Variants in CPED1 observed in about 807,000 individuals in gnomAD.
CPED1 encodes the protein cadherin-like and PC-esterase domain-containing protein 1.
CPED1 carries 114 observed loss-of-function variants against 128.2 expected under a neutral mutation model. The ratio of observed to expected loss-of-function variants is 0.89; its 90% CI spans 0.76 to 1.04. The LOEUF (loss-of-function observed/expected upper bound fraction) is 1.04, where lower values mean the gene tolerates loss of function less well. Among genes scored for constraint, CPED1 ranks in the 50% least tolerant of loss-of-function variants. The probability of loss-of-function intolerance (pLI) is 0.00; values close to 1 mark genes in which losing one functional copy is unlikely to be tolerated. For synonymous variants in CPED1, 462 were observed against 426.7 expected (o/e 1.08, Z -1.02); for missense variants, 1,211 against 1,207.1 (o/e 1.00, Z -0.05).
chr7:121,087,665 C>CGTTTT (rs1554432570), intron 5 of CPED1, among the ~76,000 whole-genome samples: 1 of 131,572 alleles, frequency 7.6e-6, no homozygotes, highest in Non-Finnish European at 1.6e-5. Flanking sequence ...CTTTTCTTTC[C>CGTTTT]TGTTTTTTTT....
At chr7:121,238,649 G>A (rs1798316170) in intron 17 of CPED1, among the ~76,000 whole-genome samples, 2 of 151,838 alleles carry the variant, frequency 1.3e-5, no homozygotes, top group South Asian at 4.2e-4. Context: ...GCCATTCATA[G>A]GGTGAAGCCA....
intron 16 of CPED1, among the ~76,000 whole-genome samples, chr7:121,214,245 A>G (rs974857007): frequency 1.3e-5 from 2 of 152,024 alleles, no homozygotes; most frequent in Non-Finnish European, 2.9e-5. Flanking sequence ...TCATTAATAA[A>G]TATCATAGGA....
At chr7:121,203,709 G>T (rs1797454889) in intron 16 of CPED1, among the ~76,000 whole-genome samples, 1 of 152,114 alleles carries the variant, frequency 6.6e-6, no homozygotes, top group African/African-American at 2.4e-5. Flanking sequence ...CACTGAAATT[G>T]TTAACAAGTG....
rs755315405 is a variant in CPED1, at chr7:121,015,690, T to C, written c.275T>C (p.Phe92Ser). ...GTCAAAGAATCAATGGAGACACACT[T>C]TGGCAGCCATGGCCGAAGGGCCATA... ...RKVKESMETHFGSHGRRAILY... is the reference protein window; with the variant it reads ...RKVKESMETHSGSHGRRAILY... The change falls in exon 3 of 23, where the codon TTT becomes TCT. Residue 92 changes from phenylalanine to serine, a missense_variant. Phe to Ser is a radical substitution (Grantham distance 155, BLOSUM62 -2). Coordinates refer to ENST00000310396, the MANE Select transcript of CPED1 (RefSeq NM_024913.5). The C allele has an allele frequency of 6.2e-7, 1 of 1,601,530 alleles. No homozygotes were observed. The highest frequency in any genetic ancestry group is 8.5e-7 in the Non-Finnish European group (1 of 1,176,242).
Position 121,266,258 on chromosome 7 carries a change from G to C in CPED1, c.2342G>C (p.Gly781Ala), listed in dbSNP as rs1394275929. Residue 781 changes from glycine to alanine, a missense_variant, in exon 19 of 23, where the codon GGG becomes GCG. Transcript: ENST00000310396. ...TTCATTGGAGATTCAACCAACAGAG[G>C]GATCATGTACTATCTTATTGAAAGG... ...ILFIGDSTNR[G>A]IMYYLIERLN... 5 of 1,612,632 alleles carry C rather than the reference G, an allele frequency of 3.1e-6. No individual in the cohort carries two copies. Among genetic ancestry groups the C allele is most frequent in the Non-Finnish European group, 4.2e-6 (5 of 1,179,154 alleles).
chr7:121,128,879 G>A (rs1360094513), intron 11 of CPED1, among the ~76,000 whole-genome samples: 1 of 151,674 alleles, frequency 6.6e-6, no homozygotes, highest in Non-Finnish European at 1.5e-5. Context: ...TTTTGTTTTT[G>A]TAAAATCATA....
intron 4 of CPED1, among the ~76,000 whole-genome samples, chr7:121,058,604 C>T (rs1398065881): frequency 2.6e-5 from 4 of 152,176 alleles, no homozygotes; most frequent in Non-Finnish European, 4.4e-5. Flanking sequence ...GCTAATAAAA[C>T]GACCAAGATG....
intron 5 of CPED1, among the ~76,000 whole-genome samples, chr7:121,095,038 G>T (rs556350068): frequency 6.6e-6 from 1 of 152,206 alleles, no homozygotes; most frequent in East Asian, 1.9e-4. Flanking sequence ...GTCATGCCTA[G>T]GTATTCCATA....
intron 22 of CPED1, among the ~76,000 whole-genome samples, chr7:121,283,164 C>T (rs1258365404): frequency 6.6e-6 from 1 of 152,176 alleles, no homozygotes; most frequent in Non-Finnish European, 1.5e-5. Flanking sequence ...TAATCTCACA[C>T]AATTAAAAGT....
intron 16 of CPED1, among the ~76,000 whole-genome samples, chr7:121,154,949 A>T (rs995146045): frequency 1.1e-4 from 16 of 152,336 alleles, no homozygotes; most frequent in Admixed American, 9.1e-4. Flanking sequence ...TTCACAGATG[A>T]CATGATCTTA....
chr7:121,067,711 C>G (rs904151092), intron 5 of CPED1, among the ~76,000 whole-genome samples: 3 of 152,170 alleles, frequency 2.0e-5, no homozygotes, highest in Non-Finnish European at 4.4e-5. Flanking sequence ...AATGGTTGAA[C>G]TAGTTTACAG....
intron 8 of CPED1, among the ~76,000 whole-genome samples, chr7:121,125,331 TG>T (rs1347079191): frequency 6.6e-6 from 1 of 152,182 alleles, no homozygotes; most frequent in African/African-American, 2.4e-5. Flanking sequence ...CTGGGATATA[TG>T]TGCAGAATGT....
chr7:121,027,633 C>T (rs1450983378), intron 3 of CPED1, among the ~76,000 whole-genome samples: 1 of 151,866 alleles, frequency 6.6e-6, no homozygotes, highest in Non-Finnish European at 1.5e-5. Flanking sequence ...ACTCACATCC[C>T]CCTACCCCTA....
At chr7:121,288,959 C>T (rs891694964) in intron 22 of CPED1, among the ~76,000 whole-genome samples, 1 of 152,190 alleles carries the variant, frequency 6.6e-6, no homozygotes, top group African/African-American at 2.4e-5. Context: ...GTACAAACCT[C>T]CTCTAAAACT....
At chr7:121,161,123 A>G (rs1356039895) in intron 16 of CPED1, among the ~76,000 whole-genome samples, 1 of 152,156 alleles carries the variant, frequency 6.6e-6, no homozygotes, top group Non-Finnish European at 1.5e-5. Flanking sequence ...CTTTTAAAAC[A>G]ACATCCATTC....
Position 121,021,149 on chromosome 7 carries a change from T to A in CPED1, c.433+5301T>A, listed in dbSNP as rs1161588061. Among the ~76,000 whole-genome samples, 3 of 151,906 alleles carry A rather than the reference T, an allele frequency of 2.0e-5. No individual in the cohort carries two copies. The South Asian group carries it at 6.2e-4, about 31-fold the overall frequency. Reference sequence around the variant, plus strand: ...TGCTTCACAGCTTTTCAACTCCTAATAAGGACACTCTTATTTACCCACATG... The same window carrying A: ...TGCTTCACAGCTTTTCAACTCCTAAAAAGGACACTCTTATTTACCCACATG... On this transcript the variant is annotated intron_variant, in intron 3 of 22. Transcript: ENST00000310396.
chr7:121,006,829 G>A (rs1194932979), intron 2 of CPED1, among the ~76,000 whole-genome samples: 3 of 152,110 alleles, frequency 2.0e-5, no homozygotes, highest in South Asian at 2.1e-4. Context: ...TGCAACGTGG[G>A]TGGCATCTCA....
intron 3 of CPED1, 82 bp downstream of exon 3, chr7:121,015,930 TA>T (rs1487195475): frequency 9.8e-7 from 1 of 1,022,610 alleles, no homozygotes; most frequent in Non-Finnish European, 1.3e-6. Context: ...TATCTCCCTC[TA>T]AAAAAATTTA....
At chr7:121,002,526 T>G (rs1363751619) in intron 2 of CPED1, among the ~76,000 whole-genome samples, 1 of 152,156 alleles carries the variant, frequency 6.6e-6, no homozygotes, top group Admixed American at 6.6e-5. Context: ...AAACTCCCAA[T>G]CATACAAGCT....
Sources: gnomAD v4.1 joint callset for allele counts (sites outside exome capture counted in the v4.1 genomes callset) on GRCh38, gnomAD v4.1.1 for gene constraint, MANE v1.5 for transcripts, NCBI Gene and HGNC (gene_info 2026-07-23, HGNC 2026-07-21) for gene names.